Variants in STARD13 observed in about 807,000 individuals in gnomAD.
STARD13 encodes stAR-related lipid transfer protein 13.
STARD13 carries 62 observed loss-of-function variants against 106.4 expected under a neutral mutation model. That is an observed-to-expected ratio of 0.58 (90% CI 0.48 to 0.72). The LOEUF (loss-of-function observed/expected upper bound fraction) is 0.72, where lower values mean the gene tolerates loss of function less well. Ranked by LOEUF, STARD13 falls within the 30% of genes least tolerant of loss-of-function variation. The pLI, the probability that STARD13 is intolerant of heterozygous loss-of-function variation, is 0.00. For missense variants in STARD13, 1,387 were observed against 1,424.0 expected (o/e 0.97, Z 0.42); for synonymous variants, 565 against 553.0 (o/e 1.02, Z -0.31).
chr13:33,673,827 G>C, the STARD13 span, among the ~76,000 whole-genome samples: 1 of 151,428 alleles, frequency 6.6e-6, no homozygotes, highest in Non-Finnish European at 1.5e-5. Flanking sequence ...GTGAGCCACT[G>C]AGCTAGGCCC....
At chr13:33,525,224 C>T in the STARD13 span, among the ~76,000 whole-genome samples, 2 of 151,980 alleles carry the variant, frequency 1.3e-5, no homozygotes, top group South Asian at 2.1e-4. Context: ...GGTCTCGCTA[C>T]GTTGACCAGG....
intron 2 of STARD13, 149 bp from the exon 3 acceptor site, chr13:33,165,567 A>G: frequency 1.6e-6 from 1 of 644,634 alleles, no homozygotes; most frequent in Non-Finnish European, 2.7e-6. Context: ...AGAGCAAAAA[A>G]TTGCTATCAC....
At chr13:33,265,393 GGT>G (rs1482053116) in intron 1 of STARD13, among the ~76,000 whole-genome samples, 1 of 152,096 alleles carries the variant, frequency 6.6e-6, no homozygotes, top group Non-Finnish European at 1.5e-5. Context: ...TTAGGAATTT[GGT>G]GTAAACAATA....
intron 1 of STARD13, among the ~76,000 whole-genome samples, chr13:33,207,379 G>A (rs978536336): frequency 1.3e-5 from 2 of 152,156 alleles, no homozygotes; most frequent in African/African-American, 2.4e-5. Flanking sequence ...AAACACAACT[G>A]GAGTCTGTCA....
chr13:33,568,153 C>T, the STARD13 span, among the ~76,000 whole-genome samples: 1 of 148,064 alleles, frequency 6.8e-6, no homozygotes, highest in Admixed American at 7.0e-5. Flanking sequence ...GTAGTTCCTT[C>T]TTATTCTGCA....
chr13:33,361,267 C>T, the STARD13 span, among the ~76,000 whole-genome samples: 2 of 151,652 alleles, frequency 1.3e-5, no homozygotes, highest in Non-Finnish European at 2.9e-5. Context: ...ACCTTTGTGA[C>T]GATCCACTTG....
At chr13:33,187,541 A>G (rs1252017782) in intron 1 of STARD13, among the ~76,000 whole-genome samples, 1 of 152,172 alleles carries the variant, frequency 6.6e-6, no homozygotes, top group Non-Finnish European at 1.5e-5. Flanking sequence ...TGAGACTTCT[A>G]TCTTTATTTG....
chr13:33,350,342 C>A (rs1421323028), exon 1 of STARD13: 1 of 1,534,514 alleles, frequency 6.5e-7, no homozygotes, highest in South Asian at 1.2e-5. Flanking sequence ...AGGCTCTGGC[C>A]GTGGAGTCCC....
intron 1 of STARD13, among the ~76,000 whole-genome samples, chr13:33,195,851 G>T (rs1476829292): frequency 6.6e-6 from 1 of 152,108 alleles, no homozygotes; most frequent in Non-Finnish European, 1.5e-5. Flanking sequence ...TTTTTCATCT[G>T]TAAAATGGAG....
chr13:33,144,101 C>A (rs1034735582), intron 3 of STARD13, among the ~76,000 whole-genome samples: 2 of 152,150 alleles, frequency 1.3e-5, no homozygotes, highest in Non-Finnish European at 2.9e-5. Flanking sequence ...CCTTTTTACT[C>A]TCCATGGCCT....
chr13:33,551,220 G>A, the STARD13 span, among the ~76,000 whole-genome samples: 34 of 152,324 alleles, frequency 2.2e-4, no homozygotes, highest in East Asian at 2.3e-3. Flanking sequence ...CCTGCATGAC[G>A]AAGTCTGGGG....
chr13:33,114,825 C>CATT (rs543297850), intron 8 of STARD13, among the ~76,000 whole-genome samples: 2 of 151,840 alleles, frequency 1.3e-5, no homozygotes, highest in Admixed American at 6.6e-5. Context: ...ACTTCCTGTC[C>CATT]ATTATTATTA....
chr13:33,186,618 G>A (rs1160105365), intron 1 of STARD13, among the ~76,000 whole-genome samples: 1 of 152,016 alleles, frequency 6.6e-6, no homozygotes, highest in African/African-American at 2.4e-5. Flanking sequence ...AAGCTTTATG[G>A]TACTTCTTTT....
chr13:33,241,233 A>G (rs1010146148), intron 1 of STARD13, among the ~76,000 whole-genome samples: 2 of 152,226 alleles, frequency 1.3e-5, no homozygotes, highest in Admixed American at 1.3e-4. Flanking sequence ...CATAGAAAGT[A>G]GATCTAAGTT....
intron 1 of STARD13, among the ~76,000 whole-genome samples, chr13:33,320,041 G>A (rs1893497928): frequency 6.6e-6 from 1 of 152,166 alleles, no homozygotes; most frequent in East Asian, 1.9e-4. Context: ...TGTTGTAAAT[G>A]TTAAGTGAGT....
At chr13:33,113,524 G>T in intron 8 of STARD13, 1 of 513,718 alleles carries the variant, frequency 1.9e-6, no homozygotes, top group South Asian at 1.4e-5. Context: ...AGCTTCTCGA[G>T]GGGAAGCCTG....
chr13:33,171,175 T>A (rs956684687), intron 1 of STARD13, among the ~76,000 whole-genome samples: 24 of 152,242 alleles, frequency 1.6e-4, no homozygotes, highest in African/African-American at 5.5e-4. Flanking sequence ...GCTATTAAAA[T>A]CACATTTTGA....
chr13:33,180,157 A>T (rs1885091761), intron 1 of STARD13, among the ~76,000 whole-genome samples: 1 of 152,234 alleles, frequency 6.6e-6, no homozygotes, highest in South Asian at 2.1e-4. Flanking sequence ...CTTTAACAAG[A>T]TGTAATGAGA....
At chr13:33,177,095 C>T (rs529018507) in intron 1 of STARD13, among the ~76,000 whole-genome samples, 1 of 152,234 alleles carries the variant, frequency 6.6e-6, no homozygotes, top group African/African-American at 2.4e-5. Context: ...AGGTGGCTAC[C>T]TTGTCTAATA....
Sources: allele counts gnomAD v4.1 joint callset (sites outside exome capture counted in the v4.1 genomes callset), GRCh38; gene constraint gnomAD v4.1.1; transcripts MANE v1.5; gene names NCBI Gene and HGNC (gene_info 2026-07-23, HGNC 2026-07-21).